The following TNKS variants were observed in gnomAD, a reference collection of about 807,000 sequenced individuals.
The protein encoded by TNKS is poly [ADP-ribose] polymerase tankyrase-1.
Under a neutral mutation model 135.8 loss-of-function variants are expected in TNKS, and 72 were observed. The observed-to-expected ratio is 0.53, with a 90% CI of 0.44 to 0.64. The LOEUF is 0.64. TNKS is among the 30% of genes least tolerant of loss of function. The probability of loss-of-function intolerance (pLI) is 0.00; values close to 1 mark genes in which losing one functional copy is unlikely to be tolerated. For missense variants in TNKS, 1,769 were observed against 1,674.0 expected, an observed-to-expected ratio of 1.06 and a Z score of -0.99; for synonymous variants, 849 against 649.3, an observed-to-expected ratio of 1.31 and a Z score of -4.68.
chr8:9,778,457 AT>A lies in TNKS; in HGVS notation c.*1725del, dbSNP rs1554491935. 2.0e-5 allele frequency: 3 copies of A among 152,616 alleles called. No individual in the cohort carries two copies. The highest frequency in any genetic ancestry group is 1.5e-5 in the Non-Finnish European group (1 of 68,022). The allele number at this position is 152,616 out of a possible 1,614,324, so 9.5% of individuals were successfully genotyped here. A position where few individuals can be genotyped will look rare whatever the true frequency, so the allele number is the denominator to read the frequency against. On this transcript the variant is annotated 3_prime_UTR_variant, in exon 27 of 27. Transcript: ENST00000310430. ...CTTAAAATATATACATTTTGCTTTG[AT>A]TTTGGCTTCAACCCAGTGCTGGAAC...
intron 2 of TNKS, among the ~76,000 whole-genome samples, chr8:9,605,231 A>C (rs1226568892): frequency 6.6e-6 from 1 of 152,022 alleles, no homozygotes; most frequent in South Asian, 2.1e-4. Flanking sequence ...CTGACATTAT[A>C]GATTAATTTT....
At chr8:9,660,940 A>C (rs531806455) in intron 3 of TNKS, among the ~76,000 whole-genome samples, 1 of 146,708 alleles carries the variant, frequency 6.8e-6, no homozygotes, top group Non-Finnish European at 1.5e-5. Flanking sequence ...TTATACACCA[A>C]TAGCAGACAG....
intron 20 of TNKS, among the ~76,000 whole-genome samples, chr8:9,753,899 A>G (rs1250067888): frequency 2.0e-5 from 3 of 152,198 alleles, no homozygotes; most frequent in African/African-American, 7.2e-5. Flanking sequence ...ATATGTATTC[A>G]GTTTCAGAGG....
chr8:9,622,162 C>G (rs945739931), intron 3 of TNKS, among the ~76,000 whole-genome samples: 5 of 152,054 alleles, frequency 3.3e-5, no homozygotes, highest in Admixed American at 3.3e-4. Flanking sequence ...AAAACTCACA[C>G]CTTTTAAAAA....
At chr8:9,665,264 T>G (rs1384971507) in intron 3 of TNKS, among the ~76,000 whole-genome samples, 2 of 152,222 alleles carry the variant, frequency 1.3e-5, no homozygotes, top group Non-Finnish European at 2.9e-5. Flanking sequence ...CAGTTTTTAG[T>G]CTTTCTTCAC....
At chr8:9,655,406 G>C (rs1419777787) in intron 3 of TNKS, among the ~76,000 whole-genome samples, 1 of 152,172 alleles carries the variant, frequency 6.6e-6, no homozygotes, top group Non-Finnish European at 1.5e-5. Flanking sequence ...GGTTCTCCCA[G>C]CACGCAGCTT....
intron 1 of TNKS, among the ~76,000 whole-genome samples, chr8:9,560,858 T>TA (rs201367772): frequency 4.7e-5 from 7 of 149,394 alleles, no homozygotes; most frequent in African/African-American, 1.2e-4. Flanking sequence ...GGTACCTCTT[T>TA]AAAAAAAAAA....
chr8:9,753,120 C>G (rs1193079681), intron 20 of TNKS, among the ~76,000 whole-genome samples: 1 of 152,080 alleles, frequency 6.6e-6, no homozygotes, highest in Non-Finnish European at 1.5e-5. Flanking sequence ...ACAAATGAGT[C>G]TTTATTTTAT....
At chr8:9,646,836 A>C (rs967548480) in intron 3 of TNKS, among the ~76,000 whole-genome samples, 1 of 152,236 alleles carries the variant, frequency 6.6e-6, no homozygotes, top group South Asian at 2.1e-4. Flanking sequence ...TTGGGGTCCT[A>C]TGAGTAAACC....
chr8:9,588,356 G>T (rs1209120004), intron 2 of TNKS, among the ~76,000 whole-genome samples: 1 of 151,936 alleles, frequency 6.6e-6, no homozygotes, highest in Admixed American at 6.6e-5. Flanking sequence ...CTCACTGCAA[G>T]CTCTGCCTCC....
At chr8:9,657,339 G>C (rs1164509123) in intron 3 of TNKS, among the ~76,000 whole-genome samples, 4 of 82,740 alleles carry the variant, frequency 4.8e-5, no homozygotes, top group South Asian at 5.9e-4. Flanking sequence ...CGGCTGGCCG[G>C]GCAGAGGGGC....
At chr8:9,560,677 T>G (rs1177533007) in intron 1 of TNKS, among the ~76,000 whole-genome samples, 1 of 151,956 alleles carries the variant, frequency 6.6e-6, no homozygotes, top group Non-Finnish European at 1.5e-5. Flanking sequence ...GGCAAGATCC[T>G]TTATATTACT....
At chr8:9,585,875 A>C (rs2129054549) in intron 2 of TNKS, among the ~76,000 whole-genome samples, 1 of 152,276 alleles carries the variant, frequency 6.6e-6, no homozygotes, top group East Asian at 1.9e-4. Flanking sequence ...AAAAAAAATA[A>C]CTGTTTTCTG....
chr8:9,627,284 TGTAA>T (rs371095063), intron 3 of TNKS, among the ~76,000 whole-genome samples: 119 of 152,220 alleles, frequency 7.8e-4, no homozygotes, highest in African/African-American at 2.7e-3. Context: ...AACCAGTAAA[TGTAA>T]GTAAGTAAGT....
At chr8:9,600,895 C>T (rs1034727954) in intron 2 of TNKS, among the ~76,000 whole-genome samples, 1 of 152,166 alleles carries the variant, frequency 6.6e-6, no homozygotes, top group Non-Finnish European at 1.5e-5. Flanking sequence ...ATTACAGAAT[C>T]TAAATTAATA....
chr8:9,633,826 C>A (rs1395062538), intron 3 of TNKS, among the ~76,000 whole-genome samples: 1 of 152,088 alleles, frequency 6.6e-6, no homozygotes, highest in East Asian at 1.9e-4. Flanking sequence ...CATGAAGATT[C>A]TTGGAAGCAG....
intron 3 of TNKS, among the ~76,000 whole-genome samples, chr8:9,660,871 TA>T (rs1321192588): frequency 6.6e-6 from 1 of 152,114 alleles, no homozygotes; most frequent in Non-Finnish European, 1.5e-5. Context: ...CTTAAGCTGA[TA>T]AGCAACTTCA....
chr8:9,648,753 T>C (rs1801016910), intron 3 of TNKS, among the ~76,000 whole-genome samples: 1 of 152,208 alleles, frequency 6.6e-6, no homozygotes, highest in African/African-American at 2.4e-5. Flanking sequence ...GGTCTCTTAT[T>C]GACCAAAACG....
At position 9,706,816 on chromosome 8, in the gene TNKS, A is replaced by C. The variant is rs897112136; in HGVS notation, c.1275A>C (p.Gly425=). The C allele has an allele frequency of 6.2e-7, 1 of 1,608,576 alleles. No individual in the cohort carries two copies. Among genetic ancestry groups the C allele is most frequent in the African/African-American group, 1.3e-5 (1 of 74,582 alleles). Residue 425 remains glycine, a synonymous_variant, in exon 8 of 27, where the codon GGA becomes GGC. Coordinates refer to ENST00000310430, the MANE Select transcript of TNKS (RefSeq NM_003747.3). Reference sequence around the variant, plus strand: ...TGTTTTTTTTCTCAATTCAGCATGGAGCTTGTGTTAATGCCATGGATCTCT... The same window carrying C: ...TGTTTTTTTTCTCAATTCAGCATGGCGCTTGTGTTAATGCCATGGATCTCT... The part of the protein sequence containing the change: ...YEVTELLLKH[G]ACVNAMDLWQ...
Sources: gnomAD v4.1 joint callset for allele counts (sites outside exome capture counted in the v4.1 genomes callset) on GRCh38, gnomAD v4.1.1 for gene constraint, MANE v1.5 for transcripts, NCBI Gene and HGNC (gene_info 2026-07-23, HGNC 2026-07-21) for gene names.